The following CCAR2 variants were observed in gnomAD, a reference collection of about 807,000 sequenced individuals.
The protein encoded by CCAR2 is cell cycle and apoptosis regulator 2.
In CCAR2, 21 loss-of-function variants were observed where a neutral mutation model predicts 108.1. The ratio of observed to expected loss-of-function variants is 0.19; its 90% CI spans 0.14 to 0.28. CCAR2 has a LOEUF of 0.28. Ranked by LOEUF, CCAR2 falls within the 10% of genes least tolerant of loss-of-function variation. CCAR2 has a pLI of 1.00. For missense variants in CCAR2, 1,126 were observed against 1,177.0 expected (o/e 0.96, Z 0.63); for synonymous variants, 577 against 472.8 (o/e 1.22, Z -2.86).
chr8:22,613,048 C>G lies in CCAR2; in HGVS notation c.616C>G (p.Arg206Gly), dbSNP rs766461055. Residue 206 changes from arginine to glycine, a missense_variant, in exon 8 of 21, where the codon CGG (arginine) becomes GGG (glycine). Arg to Gly is a moderately radical substitution (Grantham distance 125, BLOSUM62 -2). This residue lies in a region of CCAR2 where 1,013 missense variants were observed against 993.9 expected (regional missense o/e 1.02). Transcript: ENST00000308511. ...DDYDSKKRKQ[R>G]AGGEPWGAKK... ...CTATGACTCCAAGAAACGCAAACAG[C>G]GGGCTGGTGGAGAGCCCTGGGGTGC... 1 of 1,612,848 alleles carries G rather than the reference C, an allele frequency of 6.2e-7. No homozygotes were observed. The highest frequency in any genetic ancestry group is 8.5e-7 in the Non-Finnish European group (1 of 1,179,640).
At chr8:22,605,466 C>T (rs978637979) in intron 1 of CCAR2, 1 of 330,396 alleles carries the variant, frequency 3.0e-6, no homozygotes, top group Non-Finnish European at 5.6e-6. Context: ...CCGGGCAAGT[C>T]TCTTGATCTC....
At chr8:22,616,982 A>T (rs1265997649) in intron 14 of CCAR2, among the ~76,000 whole-genome samples, 1 of 99,698 alleles carries the variant, frequency 1.0e-5, no homozygotes, top group African/African-American at 4.5e-5. Context: ...CCCAGGTTCA[A>T]ACGATTCTCC....
At chr8:22,618,795 C>A (rs1801629224) in intron 18 of CCAR2, 32 bp from the exon 19 acceptor site, 1 of 1,612,920 alleles carries the variant, frequency 6.2e-7, no homozygotes, top group Non-Finnish European at 8.5e-7. Context: ...CTGGAGACTC[C>A]ATCCTGAATT....
At chr8:22,614,690 T>A (rs1385347645) in intron 10 of CCAR2, 148 bp from the exon 11 acceptor site, 1 of 1,110,492 alleles carries the variant, frequency 9.0e-7, no homozygotes, top group Non-Finnish European at 1.3e-6. Context: ...GCGAGGTGGC[T>A]GGTTCATGTT....
intron 14 of CCAR2, among the ~76,000 whole-genome samples, 191 bp from the exon 15 acceptor site, chr8:22,617,229 G>T (rs1472335368): frequency 6.6e-6 from 1 of 152,100 alleles, no homozygotes; most frequent in South Asian, 2.1e-4. Flanking sequence ...AAAAAGCCCA[G>T]GTGTCTGGCG....
intron 7 of CCAR2, among the ~76,000 whole-genome samples, chr8:22,611,432 A>ATGTG (rs1010045074): frequency 6.9e-6 from 1 of 144,804 alleles, no homozygotes; most frequent in African/African-American, 2.7e-5. Flanking sequence ...GTGTGTATAT[A>ATGTG]TGTGTGTGTG....
In CCAR2 at chr8:22,607,979, C is replaced by A. The variant is rs772854189; in HGVS notation, c.498C>A (p.Leu166=). 2.5e-6 allele frequency: 4 copies of A among 1,613,994 alleles called. No homozygotes were observed. The highest frequency in any genetic ancestry group is 1.6e-4 in the Middle Eastern group (1 of 6,062). Residue 166 remains leucine (L), a synonymous_variant, in exon 7 of 21, where the codon CTC becomes CTA. Transcript: ENST00000308511. ...PPLFPQKPLS[L]FQTSHTLHLS... ...ATTTCCTTTCTGCAGCTCTGAGTCT[C>A]TTCCAAACATCCCACACACTTCACC...
intron 1 of CCAR2, 30 bp from the exon 2 acceptor site, chr8:22,605,706 G>T: frequency 7.5e-7 from 1 of 1,330,460 alleles, no homozygotes; most frequent in African/African-American, 1.5e-5. Flanking sequence ...TCCCTTATAA[G>T]CTGTTAATTT....
chr8:22,620,848 C>T (rs13439369), downstream of CCAR2: 18,728 of 152,378 alleles, frequency 0.12, 2,590 homozygotes, highest in African/African-American at 0.34. Flanking sequence ...CCCGAGGTAC[C>T]AGTCCTCAGT....
intron 6 of CCAR2, 101 bp from the exon 7 acceptor site, chr8:22,607,868 C>T (rs1013098171): frequency 2.5e-5 from 22 of 877,112 alleles, no homozygotes; most frequent in Non-Finnish European, 3.8e-5. Flanking sequence ...TCAAGTGATC[C>T]ATCTGCACTG....
Position 22,614,071 on chromosome 8 carries a change from T to C in CCAR2, c.705-21T>C, listed in dbSNP as rs1456049324. 5 of 1,602,936 alleles carry C rather than the reference T, an allele frequency of 3.1e-6. No individual in the cohort carries two copies. The Admixed American group carries it at 8.3e-5, about 27-fold the overall frequency. On this transcript the variant is annotated intron_variant, in intron 8 of 20. Transcript: ENST00000308511. ...GTTTTAGTCTTTGCTCAGTCTGGAT[T>C]CCCTTGCTGTCTTCCTGTAGCCCCA...
intron 19 of CCAR2, 35 bp from the exon 20 acceptor site, chr8:22,619,115 G>A (rs904973967): frequency 6.9e-6 from 11 of 1,602,134 alleles, no homozygotes; most frequent in Non-Finnish European, 9.4e-6. Flanking sequence ...GGCCTTGATG[G>A]AGCAGCCGTC....
rs140805464 is a variant in CCAR2, at chr8:22,618,864, G to T, written c.2370G>T (p.Thr790=). ...LDLLPPPGKS[T]KPGAAPTEHK... is the part of the protein sequence containing the mutation. Reference sequence around the variant, plus strand: ...TGCTGCCCCCTCCTGGGAAAAGCACGAAGCCAGGTGCTGCCCCCACAGAAC... The same window carrying T: ...TGCTGCCCCCTCCTGGGAAAAGCACTAAGCCAGGTGCTGCCCCCACAGAAC... The change falls in exon 19 of 21, where the codon ACG becomes ACT. Residue 790 remains threonine (T), a synonymous_variant. Coordinates refer to ENST00000308511, the MANE Select transcript of CCAR2 (RefSeq NM_001393997.1). 1 of 1,613,938 alleles carries T rather than the reference G, an allele frequency of 6.2e-7. No individual in the cohort carries two copies. Among genetic ancestry groups the T allele is most frequent in the Non-Finnish European group, 8.5e-7 (1 of 1,180,008 alleles).
At chr8:22,613,727 T>C (rs1801387044) in intron 8 of CCAR2, among the ~76,000 whole-genome samples, 1 of 152,238 alleles carries the variant, frequency 6.6e-6, no homozygotes. Flanking sequence ...GTAAGTGAGA[T>C]TGAGCATATT....
Position 22,616,086 on chromosome 8 carries a change from G to A in CCAR2, c.1683G>A (p.Leu561=), listed in dbSNP as rs1377543745. 2.4e-5 allele frequency: 38 copies of A among 1,613,892 alleles called. No individual in the cohort carries two copies. The highest frequency in any genetic ancestry group is 2.9e-5 in the Non-Finnish European group (34 of 1,180,026). ...GCTATAGAGTTTATAAGATGCTACTGAGCCTTCCTGAAAAGGTCGTGTCCC... is the reference window on the plus strand; with the variant it reads ...GCTATAGAGTTTATAAGATGCTACTAAGCCTTCCTGAAAAGGTCGTGTCCC... The part of the protein sequence containing the change: ...DFGYRVYKML[L]SLPEKVVSPP... The change falls in exon 14 of 21, where the codon CTG becomes CTA. Residue 561 remains leucine, a synonymous_variant. Coordinates refer to ENST00000308511, the MANE Select transcript of CCAR2 (RefSeq NM_001393997.1).
chr8:22,618,761 C>T (rs1167922225), intron 18 of CCAR2, 33 bp downstream of exon 18: 2 of 1,613,168 alleles, frequency 1.2e-6, no homozygotes, highest in African/African-American at 1.3e-5. Flanking sequence ...CTTCCTGGGG[C>T]ACGGGCAGGG....
In CCAR2 at chr8:22,619,027, G is replaced by C. The variant is rs777845673; in HGVS notation, c.2521+12G>C. 77 of 1,611,472 alleles carry C rather than the reference G, an allele frequency of 4.8e-5. No homozygotes were observed. In the Admixed American group the frequency reaches 1.3e-3, roughly 27 times the overall value. ...GGAGCTGAAGCTGGGTGAGGGCCTG[G>C]GGCTGCAGCCACCATGGGGTCACAT... On this transcript the variant is annotated intron_variant, in intron 19 of 20. Transcript: ENST00000308511.
At chr8:22,606,211 C>T (rs768290665) in intron 3 of CCAR2, 35 bp downstream of exon 3, 5 of 1,519,636 alleles carry the variant, frequency 3.3e-6, no homozygotes, top group South Asian at 1.1e-5. Context: ...AGTTTCAGCC[C>T]TTGGGACTGA....
intron 7 of CCAR2, among the ~76,000 whole-genome samples, chr8:22,610,120 C>T (rs540496841): frequency 1.5e-3 from 234 of 152,270 alleles, no homozygotes; most frequent in Non-Finnish European, 2.4e-3. Flanking sequence ...GATACTCAAC[C>T]TATACTACCA....
Sources: allele counts gnomAD v4.1 joint callset (sites outside exome capture counted in the v4.1 genomes callset), GRCh38; gene constraint gnomAD v4.1.1; regional missense constraint gnomAD v4.1.1; transcripts MANE v1.5; gene names NCBI Gene and HGNC (gene_info 2026-07-23, HGNC 2026-07-21).